The following NETO1 variants were observed in gnomAD, a reference collection of about 807,000 sequenced individuals.
NETO1 encodes the protein neuropilin and tolloid like 1.
Under a neutral mutation model 61.3 loss-of-function variants are expected in NETO1, and 26 were observed. The ratio of observed to expected loss-of-function variants is 0.42; its 90% CI spans 0.31 to 0.59. The LOEUF is 0.59. Ranked by LOEUF, NETO1 falls within the 20% of genes least tolerant of loss-of-function variation. NETO1 has a pLI of 0.12. For missense variants in NETO1, 531 were observed against 662.8 expected, an observed-to-expected ratio of 0.80 and a Z score of 2.18; for synonymous variants, 225 against 225.8, an observed-to-expected ratio of 1.00 and a Z score of 0.03.
Position 72,842,813 on chromosome 18 carries a change from CACCTCATAGGTATAGCAT to C in NETO1, c.469+15995_469+16012del, listed in dbSNP as rs561405121. Among the ~76,000 whole-genome samples the C allele has an allele frequency of 7.9e-5, 12 of 152,264 alleles. No individual in the cohort carries two copies. The South Asian group carries it at 2.1e-3, about 26-fold the overall frequency. On this transcript the variant is annotated intron_variant, in intron 4 of 10. Coordinates refer to ENST00000327305, the MANE Select transcript of NETO1 (RefSeq NM_138966.5). ...GCAATAATACGTCATAGGTATAGCACACCTCATAGGTATAGCATACCTCATAGGTATGCTATAAACTAA... is the reference window on the plus strand; with the variant it reads ...GCAATAATACGTCATAGGTATAGCACACCTCATAGGTATGCTATAAACTAA...
At chr18:72,820,881 G>C (rs2073171166) in intron 4 of NETO1, among the ~76,000 whole-genome samples, 2 of 152,150 alleles carry the variant, frequency 1.3e-5, no homozygotes, top group African/African-American at 4.8e-5. Context: ...CCTCCAGCTT[G>C]TCAGCTGCAA....
At chr18:72,844,305 T>A (rs537961188) in intron 4 of NETO1, among the ~76,000 whole-genome samples, 1 of 152,342 alleles carries the variant, frequency 6.6e-6, no homozygotes, top group African/African-American at 2.4e-5. Flanking sequence ...TCTTATTGCA[T>A]CATTTTTAAT....
chr18:72,858,866 C>A lies in NETO1; in HGVS notation c.429G>T (p.Leu143=). The part of the protein sequence containing the change: ...LWIKFFADGE[L]ESMGFSARYN... ...ATCGAGCTGAAAATCCCATAGATTC[C>A]AGCTCTCCATCAGCAAAAAATTTAA... Residue 143 remains leucine (L), a synonymous_variant, in exon 4 of 11, where the codon CTG becomes CTT. Transcript: ENST00000327305. 1 of 1,613,230 alleles carries A rather than the reference C, an allele frequency of 6.2e-7. No individual in the cohort carries two copies. Among genetic ancestry groups the A allele is most frequent in the African/African-American group, 1.3e-5 (1 of 74,912 alleles).
At chr18:72,794,977 C>T (rs1344821895) in intron 4 of NETO1, among the ~76,000 whole-genome samples, 2 of 152,198 alleles carry the variant, frequency 1.3e-5, no homozygotes, top group Non-Finnish European at 2.9e-5. Context: ...TCTTTCTCTG[C>T]AACATTTCAT....
At chr18:72,859,130 GTTTTCTGAT>G (rs1331088828) in intron 3 of NETO1, 56 bp from the exon 4 acceptor site, 15 of 1,481,392 alleles carry the variant, frequency 1.0e-5, no homozygotes, top group Admixed American at 2.4e-5. Context: ...TCAGGTTGAT[GTTTTCTGAT>G]TCTATTTCAG....
chr18:72,764,756 A>G (rs142414009), intron 7 of NETO1, among the ~76,000 whole-genome samples: 197 of 152,074 alleles, frequency 1.3e-3, no homozygotes, highest in African/African-American at 4.4e-3. Flanking sequence ...TCTTATCCAC[A>G]TTTTCCTTTT....
intron 7 of NETO1, among the ~76,000 whole-genome samples, chr18:72,762,919 C>T (rs994613138): frequency 1.5e-4 from 23 of 152,112 alleles, no homozygotes; most frequent in African/African-American, 5.6e-4. Context: ...AAAGCCACAA[C>T]ACTCAAAATA....
rs1199739934 is a variant in NETO1 at position 72,830,870 on chromosome 18, A to G, written c.469+27956T>C. ...TCCAGTTGTTCACTTTTTATCCCCT[A>G]TTTTCTTCTCTGAACATTGAGTTTT... On this transcript the variant is annotated intron_variant, in intron 4 of 10. Coordinates refer to ENST00000327305, the MANE Select transcript of NETO1 (RefSeq NM_138966.5). The surrounding 1 kb of genome is among the most constrained non-coding windows in gnomAD (Gnocchi z 4.9). Among the ~76,000 whole-genome samples the G allele has an allele frequency of 6.6e-6, 1 of 151,894 alleles. No individual in the cohort carries two copies. The highest frequency in any genetic ancestry group is 2.4e-5 in the African/African-American group (1 of 41,322).
intron 4 of NETO1, chr18:72,835,022 T>C (rs1198658234): frequency 1.0e-6 from 1 of 994,462 alleles, no homozygotes; most frequent in East Asian, 9.4e-5. Flanking sequence ...ATACAAGAAG[T>C]CCCTCACATA....
intron 4 of NETO1, among the ~76,000 whole-genome samples, chr18:72,820,770 C>G (rs959190022): frequency 1.3e-5 from 2 of 152,156 alleles, no homozygotes; most frequent in East Asian, 1.9e-4. Flanking sequence ...CTTGCTTGAG[C>G]AAGGATATGG....
chr18:72,808,438 T>TGTGTGTGTGG (rs940900925), intron 4 of NETO1, among the ~76,000 whole-genome samples: 4 of 151,490 alleles, frequency 2.6e-5, no homozygotes, highest in African/African-American at 9.7e-5. Flanking sequence ...TGTGTGTGTG[T>TGTGTGTGTGG]GTGTGTGTGT....
chr18:72,772,236 A>C (rs1599137158), intron 7 of NETO1, among the ~76,000 whole-genome samples: 1 of 152,232 alleles, frequency 6.6e-6, no homozygotes, highest in East Asian at 1.9e-4. Flanking sequence ...GATTTCTTTC[A>C]TCTCTAACCA....
chr18:72,855,165 CT>C (rs1460542886), intron 4 of NETO1, among the ~76,000 whole-genome samples: 1 of 152,080 alleles, frequency 6.6e-6, no homozygotes, highest in Non-Finnish European at 1.5e-5. Context: ...GCACTTATTT[CT>C]TTTTCTGAAC....
intron 4 of NETO1, among the ~76,000 whole-genome samples, chr18:72,818,043 T>A (rs1385992191): frequency 6.6e-6 from 1 of 152,194 alleles, no homozygotes; most frequent in Admixed American, 6.5e-5. Context: ...GCACATGAAA[T>A]CATCCATCTT....
chr18:72,794,445 T>G (rs927056496), intron 4 of NETO1, 41 bp from the exon 5 acceptor site: 7 of 1,566,520 alleles, frequency 4.5e-6, no homozygotes, highest in South Asian at 2.3e-5. Flanking sequence ...CATTCTACAT[T>G]TATTACTTAC....
chr18:72,742,648 T>C (rs2070361294), downstream of NETO1: 2 of 152,180 alleles, frequency 1.3e-5, no homozygotes, highest in East Asian at 3.9e-4. Context: ...AACGTGGTTA[T>C]ATTACACATT....
At chr18:72,837,394 T>C (rs1232057254) in intron 4 of NETO1, among the ~76,000 whole-genome samples, 1 of 152,186 alleles carries the variant, frequency 6.6e-6, no homozygotes, top group African/African-American at 2.4e-5. Flanking sequence ...CATTGGTCAG[T>C]AAAATAAAAA....
At chr18:72,854,912 T>TC (rs1390240656) in intron 4 of NETO1, among the ~76,000 whole-genome samples, 1 of 152,162 alleles carries the variant, frequency 6.6e-6, no homozygotes, top group African/African-American at 2.4e-5. Context: ...ATTCCCCTCT[T>TC]CCTGCTATCC....
intron 7 of NETO1, among the ~76,000 whole-genome samples, chr18:72,761,887 A>C (rs912306918): frequency 1.3e-5 from 2 of 152,206 alleles, no homozygotes; most frequent in African/African-American, 4.8e-5. Context: ...TTTAAGACTA[A>C]GAAATATGGT....
Sources: allele counts gnomAD v4.1 joint callset (sites outside exome capture counted in the v4.1 genomes callset), GRCh38; gene constraint gnomAD v4.1.1; non-coding constraint Gnocchi (gnomAD v3.1); transcripts MANE v1.5; gene names NCBI Gene and HGNC (gene_info 2026-07-23, HGNC 2026-07-21).